The following PRDM10 variants were observed in gnomAD, a reference collection of about 807,000 sequenced individuals.
The protein encoded by PRDM10 is PR/SET domain 10.
A neutral mutation model predicts 133.1 loss-of-function variants in PRDM10; 65 were observed. That is an observed-to-expected ratio of 0.49 (90% CI 0.40 to 0.60). The LOEUF is 0.60. Among genes scored for constraint, PRDM10 ranks in the 20% least tolerant of loss-of-function variants. PRDM10 has a pLI of 0.00. For missense variants in PRDM10, 1,137 were observed against 1,507.1 expected (o/e 0.75, Z 4.07); for synonymous variants, 582 against 580.4 (o/e 1.00, Z -0.04).
intron 11 of PRDM10, among the ~76,000 whole-genome samples, chr11:129,927,017 C>A (rs1479631926): frequency 6.6e-6 from 1 of 151,842 alleles, no homozygotes; most frequent in Non-Finnish European, 1.5e-5. Context: ...ACCAGCCTGG[C>A]CAACATGGTA....
rs1270318937 is a variant in PRDM10, at chr11:129,911,022, C to T, written c.2983-366G>A. 1.1e-4 allele frequency among the ~76,000 whole-genome samples: 17 copies of T among 152,266 alleles called. No homozygotes were observed. In the East Asian group the frequency reaches 2.1e-3, roughly 19 times the overall value. Reference sequence around the variant, plus strand: ...AACTCCCGACCTCAGGTGATCCACCCGCCTCGGCCTCCCAAAGTGCTGGGA... The same window carrying T: ...AACTCCCGACCTCAGGTGATCCACCTGCCTCGGCCTCCCAAAGTGCTGGGA... On this transcript the variant is annotated intron_variant, in intron 18 of 20. Transcript: ENST00000360871.
rs183244882 is a variant in PRDM10, at chr11:129,933,526, C to G, written c.1158-1295G>C. On this transcript the variant is annotated intron_variant, in intron 9 of 20. Transcript: ENST00000360871. ...ACACCTGAGAAATATCTGAGAGTTG[C>G]TGAGTATTATTATATCTAGTCAAAG... is the stretch of plus-strand genomic sequence containing the variant. Among the ~76,000 whole-genome samples the G allele has an allele frequency of 4.8e-3, 736 of 152,224 alleles. 9 individuals carry two copies. Among genetic ancestry groups the G allele is most frequent in the African/African-American group, 0.017 (700 of 41,514 alleles).
chr11:129,956,127 A>T (rs937162849), intron 3 of PRDM10, among the ~76,000 whole-genome samples: 30 of 148,772 alleles, frequency 2.0e-4, no homozygotes, highest in African/African-American at 5.2e-4. Context: ...AGTCATAATT[A>T]AAAAAAAAAA....
At chr11:129,967,547 T>C (rs916297531) in intron 1 of PRDM10, among the ~76,000 whole-genome samples, 7 of 152,120 alleles carry the variant, frequency 4.6e-5, no homozygotes, top group Non-Finnish European at 1.0e-4. Context: ...ATAACAACGA[T>C]GAACATTCAA....
Position 129,935,101 on chromosome 11 carries a change from C to A in PRDM10, c.1157G>T (p.Arg386Ile). 6.2e-7 allele frequency: 1 copy of A among 1,610,746 alleles called. No individual in the cohort carries two copies. The highest frequency in any genetic ancestry group is 8.5e-7 in the Non-Finnish European group (1 of 1,176,990). ...GTGAGCATTTCTCCCTCATACATACCTGCTAAACACATCTAGTTTCTCATC... is the reference window on the plus strand; with the variant it reads ...GTGAGCATTTCTCCCTCATACATACATGCTAAACACATCTAGTTTCTCATC... ...SHDEKLDVFS[R>I]TRGRGRGRGK... Residue 386 changes from arginine to isoleucine, a missense_variant and splice_region_variant, in exon 9 of 21, where the codon AGA (arginine) becomes ATA (isoleucine). Transcript: ENST00000360871.
rs57015735 is a variant in PRDM10 at position 129,927,176 on chromosome 11, C to CAAAAAA, written c.1531-1953_1531-1948dup. 5.0e-4 allele frequency among the ~76,000 whole-genome samples: 40 copies of CAAAAAA among 79,370 alleles called. 1 individual carries two copies. Among genetic ancestry groups the CAAAAAA allele is most frequent in the Admixed American group, 1.4e-3 (8 of 5,856 alleles). The allele number at this position is 79,370 out of a possible 152,430, so 52.1% of individuals were successfully genotyped here. ...TGGAGGTTGCAGTGAGACTCTGTCT[C>CAAAAAA]AAAAAAAAAAAAAAAAAAAAAAAAA... is the stretch of plus-strand genomic sequence containing the variant. On this transcript the variant is annotated intron_variant, in intron 11 of 20. Transcript: ENST00000360871.
At chr11:129,914,014 AT>A (rs985237359) in intron 17 of PRDM10, among the ~76,000 whole-genome samples, 17 of 148,910 alleles carry the variant, frequency 1.1e-4, no homozygotes, top group African/African-American at 2.0e-4. Context: ...GATTGACTCA[AT>A]TTTTTTTTTT....
In PRDM10 at chr11:129,923,687, A is replaced by AGTGC. The variant is rs1950590269; in HGVS notation, c.1879-285_1879-284insGCAC. The stretch of plus-strand genomic sequence containing the variant: ...GAGAGAGAGAGAGAGAGAGAGAGAG[A>AGTGC]GAGAGAGTGCTTGCTTGGTCAAAGC... On this transcript the variant is annotated intron_variant, in intron 12 of 20. Transcript: ENST00000360871. The surrounding 1 kb of genome is among the most constrained non-coding windows in gnomAD (Gnocchi z 4.4). Among the ~76,000 whole-genome samples the AGTGC allele has an allele frequency of 6.9e-6, 1 of 145,198 alleles. No individual in the cohort carries two copies. The highest frequency in any genetic ancestry group is 1.5e-5 in the Non-Finnish European group (1 of 66,368).
chr11:129,961,066 G>A lies in PRDM10; in HGVS notation c.-102C>T, dbSNP rs767541498. On this transcript the variant is annotated 5_prime_UTR_variant, in exon 2 of 21. Coordinates refer to ENST00000360871, the MANE Select transcript of PRDM10 (RefSeq NM_199437.2). ...ACGTGTGTTCATGAAGGACGGAAAG[G>A]TCTGTCTGCAGCATGCCTGAGAAAA... 3 of 996,618 alleles carry A rather than the reference G, an allele frequency of 3.0e-6. No individual in the cohort carries two copies. Among genetic ancestry groups the A allele is most frequent in the Non-Finnish European group, 4.5e-6 (3 of 660,934 alleles). The allele number at this position is 996,618 out of a possible 1,614,324, so 61.7% of individuals were successfully genotyped here. A position where few individuals can be genotyped will look rare whatever the true frequency, so the allele number is the denominator to read the frequency against.
chr11:129,993,933 A>G (rs1208030842), intron 1 of PRDM10, among the ~76,000 whole-genome samples: 4 of 152,150 alleles, frequency 2.6e-5, no homozygotes, highest in Non-Finnish European at 4.4e-5. Context: ...ATTACATTAG[A>G]TCTATAAATC....
chr11:129,914,850 T>C lies in PRDM10; in HGVS notation c.2695A>G (p.Met899Val). 3 of 1,614,152 alleles carry C rather than the reference T, an allele frequency of 1.9e-6. No individual in the cohort carries two copies. The highest frequency in any genetic ancestry group is 2.5e-6 in the Non-Finnish European group (3 of 1,180,034). ...GTTAAGGTCTGGGACAGTTCTGTCA[T>C]TGCTTGGGTGAGCAGGTCCGTCGTC... ...VVTTDLLTQA[M>V]TELSQTLTTD... The change falls in exon 17 of 21, where the codon ATG becomes GTG. Residue 899 changes from methionine to valine, a missense_variant. By Grantham distance (21) the Met-to-Val change is conservative (BLOSUM62 1). This residue lies in a region of PRDM10 where 113 missense variants were observed against 143.7 expected (regional missense o/e 0.79). Coordinates refer to ENST00000360871, the MANE Select transcript of PRDM10 (RefSeq NM_199437.2).
At chr11:129,956,102 C>T (rs1429822640) in intron 3 of PRDM10, among the ~76,000 whole-genome samples, 2 of 151,944 alleles carry the variant, frequency 1.3e-5, no homozygotes, top group Admixed American at 1.3e-4. Context: ...GAGTTCTTTT[C>T]TACATAGTCA....
At chr11:129,995,296 A>G (rs1938988470) in intron 1 of PRDM10, among the ~76,000 whole-genome samples, 1 of 152,186 alleles carries the variant, frequency 6.6e-6, no homozygotes, top group East Asian at 1.9e-4. Context: ...GGCTGAGGAT[A>G]CAGACCCTTT....
chr11:129,984,106 C>T (rs919889044), intron 1 of PRDM10, among the ~76,000 whole-genome samples: 4 of 152,168 alleles, frequency 2.6e-5, no homozygotes, highest in Admixed American at 2.6e-4. Flanking sequence ...ACCATCCTGA[C>T]TCCAGCTGAT....
Position 129,947,354 on chromosome 11 carries a change from T to G in PRDM10, c.311A>C (p.His104Pro), listed in dbSNP as rs1033144466. Residue 104 changes from histidine (H) to proline (P), a missense_variant, in exon 5 of 21, where the codon CAT becomes CCT. Coordinates refer to ENST00000360871, the MANE Select transcript of PRDM10 (RefSeq NM_199437.2). This position sits in a 1 kb window ranked among gnomAD's most constrained non-coding sequence, Gnocchi z 4.6. ...CTCGATGGAAGGCAGCACCTGGTTA[T>G]GAACTGGCAATGAGGCCTGGGCAAA... ...ATAQQASLPV[H>P]NQVLPSIESV... 6.2e-7 allele frequency: 1 copy of G among 1,614,228 alleles called. No individual in the cohort carries two copies. Among genetic ancestry groups the G allele is most frequent in the Non-Finnish European group, 8.5e-7 (1 of 1,180,038 alleles).
At chr11:129,961,534 G>A (rs978407928) in intron 1 of PRDM10, among the ~76,000 whole-genome samples, 2 of 151,576 alleles carry the variant, frequency 1.3e-5, no homozygotes, top group Admixed American at 6.6e-5. Context: ...TCAAACTCCT[G>A]AGCTCAAGTG....
rs57429782 is a variant in PRDM10 at position 129,923,643 on chromosome 11, T to TGAGAGA, written c.1879-246_1879-241dup. Among the ~76,000 whole-genome samples the TGAGAGA allele has an allele frequency of 0.096, 6,316 of 65,738 alleles. 1,114 individuals carry two copies. Among genetic ancestry groups the TGAGAGA allele is most frequent in the Admixed American group, 0.14 (659 of 4,744 alleles). 43.1% of individuals were successfully genotyped at this position (65,738 alleles called of 152,430 possible). On this transcript the variant is annotated intron_variant, in intron 12 of 20. Transcript: ENST00000360871. This position sits in a 1 kb window ranked among gnomAD's most constrained non-coding sequence, Gnocchi z 4.4. ...CGAACCTCCCCGATGACTTGAAACG[T>TGAGAGA]GAGAGAGAGAGAGAGAGAGAGAGAG... is the stretch of plus-strand genomic sequence containing the variant.
chr11:129,992,616 G>GGTT (rs1442936300), intron 1 of PRDM10, among the ~76,000 whole-genome samples: 1 of 152,164 alleles, frequency 6.6e-6, no homozygotes, highest in East Asian at 1.9e-4. Flanking sequence ...AACCAGAGGA[G>GGTT]GTTGTAATTC....
rs753620595 is a variant in PRDM10, at chr11:129,957,786, T to C, written c.194A>G (p.Glu65Gly). ...CGGGTGGATGTACACCAGCGTGTGC[T>C]CTGGACCATCCACTGATGTGTAGGA... ...GASYTSVDGP[E>G]HTLVYIHPVE... Residue 65 changes from glutamate to glycine, a missense_variant, in exon 3 of 21, where the codon GAG becomes GGG. Glu to Gly is a moderately conservative substitution (Grantham distance 98, BLOSUM62 -2). Around this residue, in one of 6 missense-constraint regions of PRDM10, gnomAD observed 635 missense variants for 835.2 expected, o/e 0.76. Coordinates refer to ENST00000360871, the MANE Select transcript of PRDM10 (RefSeq NM_199437.2). 6.2e-7 allele frequency: 1 copy of C among 1,614,208 alleles called. No individual in the cohort carries two copies. The highest frequency in any genetic ancestry group is 8.5e-7 in the Non-Finnish European group (1 of 1,180,032).
Sources: gnomAD v4.1 joint callset for allele counts (sites outside exome capture counted in the v4.1 genomes callset) on GRCh38, gnomAD v4.1.1 for gene constraint, gnomAD v4.1.1 regional missense constraint, Gnocchi (gnomAD v3.1) non-coding constraint, MANE v1.5 for transcripts, NCBI Gene and HGNC (gene_info 2026-07-23, HGNC 2026-07-21) for gene names.